PDGFRL: variants seen among roughly 807,000 people sequenced by gnomAD.
The protein encoded by PDGFRL is platelet derived growth factor receptor like.
In PDGFRL, 46 loss-of-function variants were observed where a neutral mutation model predicts 37.2. The ratio of observed to expected loss-of-function variants is 1.24; its 90% CI spans 0.98 to 1.58. The LOEUF (loss-of-function observed/expected upper bound fraction) is 1.58. Ranked by LOEUF, PDGFRL falls within the 40% of genes most tolerant of loss-of-function variation. PDGFRL has a pLI of 0.00. For missense variants in PDGFRL, 692 were observed against 467.6 expected (o/e 1.48, Z -4.43); for synonymous variants, 251 against 184.3 (o/e 1.36, Z -2.93).
At chr8:17,605,412 T>C (rs916883263) in intron 2 of PDGFRL, among the ~76,000 whole-genome samples, 11 of 152,226 alleles carry the variant, frequency 7.2e-5, no homozygotes, top group African/African-American at 2.4e-4. Flanking sequence ...AAACTTTGTG[T>C]AAGAATATTC....
At chr8:17,600,407 C>T (rs1804142774) in intron 2 of PDGFRL, among the ~76,000 whole-genome samples, 1 of 152,204 alleles carries the variant, frequency 6.6e-6, no homozygotes, top group Non-Finnish European at 1.5e-5. Flanking sequence ...ACACTCCTCT[C>T]TACTTGCTGG....
intron 2 of PDGFRL, among the ~76,000 whole-genome samples, chr8:17,617,231 G>C (rs750443528): frequency 1.9e-4 from 29 of 152,322 alleles, no homozygotes; most frequent in South Asian, 4.1e-4. Context: ...TCCTAGTTTA[G>C]AAAGAAAAGG....
In PDGFRL at chr8:17,642,905, C is replaced by T. The variant is rs1470647243; in HGVS notation, c.*104C>T. On this transcript the variant is annotated 3_prime_UTR_variant, in exon 6 of 6. Coordinates refer to ENST00000251630, the MANE Select transcript of PDGFRL (RefSeq NM_001372073.1). ...CTTTGCCAGAGGCTGATGTCAAGCA[C>T]CACACCCCAACCCCAGCGTCTCGTG... 2 of 711,268 alleles carry T rather than the reference C, an allele frequency of 2.8e-6. No homozygotes were observed. The highest frequency in any genetic ancestry group is 4.9e-6 in the Non-Finnish European group (2 of 411,466). 44.1% of individuals were successfully genotyped at this position (711,268 alleles called of 1,614,324 possible).
At chr8:17,625,895 T>C (rs1288944753) in intron 3 of PDGFRL, among the ~76,000 whole-genome samples, 2 of 152,152 alleles carry the variant, frequency 1.3e-5, no homozygotes, top group Non-Finnish European at 2.9e-5. Flanking sequence ...CTCAGGAGGC[T>C]GAGGTGGGAG....
At chr8:17,620,910 C>G in intron 2 of PDGFRL, 141 bp from the exon 3 acceptor site, 1 of 416,876 alleles carries the variant, frequency 2.4e-6, no homozygotes, top group African/African-American at 2.1e-5. Context: ...TTTGACAAGT[C>G]AAACACATTC....
intron 2 of PDGFRL, among the ~76,000 whole-genome samples, chr8:17,616,333 T>A (rs1804527390): frequency 6.6e-6 from 1 of 152,100 alleles, no homozygotes; most frequent in South Asian, 2.1e-4. Flanking sequence ...TAGCTGGGAC[T>A]ACAGGCATGC....
chr8:17,636,821 G>C (rs867527022), intron 5 of PDGFRL, among the ~76,000 whole-genome samples: 1 of 152,052 alleles, frequency 6.6e-6, no homozygotes, highest in Non-Finnish European at 1.5e-5. Context: ...TCCTTGCAGA[G>C]GTCTTTCACC....
chr8:17,597,346 G>T (rs73666193), intron 2 of PDGFRL, among the ~76,000 whole-genome samples: 357 of 152,306 alleles, frequency 2.3e-3, no homozygotes, highest in African/African-American at 8.3e-3. Context: ...AACCAATATT[G>T]TTGGCTTTCT....
rs182425886 is a variant in PDGFRL at position 17,594,524 on chromosome 8, A to G, written c.353+4759A>G. On this transcript the variant is annotated intron_variant, in intron 2 of 5. Coordinates refer to ENST00000251630, the MANE Select transcript of PDGFRL (RefSeq NM_001372073.1). ...CTGTAAGTGCTGGGATTCCAGGTGT[A>G]AGCCACCATGCCTGGCCTATACTAC... Among the ~76,000 whole-genome samples the G allele has an allele frequency of 1.6e-3, 236 of 150,412 alleles. 1 individual carries two copies. The highest frequency in any genetic ancestry group is 1.8e-3 in the Non-Finnish European group (124 of 67,738).
intron 2 of PDGFRL, among the ~76,000 whole-genome samples, chr8:17,610,569 A>G (rs372877631): frequency 2.6e-5 from 4 of 152,258 alleles, no homozygotes; most frequent in African/African-American, 9.6e-5. Context: ...TAACCCATAT[A>G]CATCTGAGTT....
chr8:17,612,463 C>G (rs1045342653), intron 2 of PDGFRL, among the ~76,000 whole-genome samples: 2 of 151,998 alleles, frequency 1.3e-5, no homozygotes, highest in African/African-American at 4.8e-5. Context: ...CTCTGCCTCC[C>G]GGGTTCAAGC....
At chr8:17,619,769 C>G (rs1804595966) in intron 2 of PDGFRL, among the ~76,000 whole-genome samples, 1 of 152,206 alleles carries the variant, frequency 6.6e-6, no homozygotes, top group African/African-American at 2.4e-5. Flanking sequence ...AGGCTGAAAG[C>G]AAAACACCAG....
chr8:17,627,437 A>C (rs969754412), intron 3 of PDGFRL, among the ~76,000 whole-genome samples: 6 of 150,972 alleles, frequency 4.0e-5, no homozygotes, highest in African/African-American at 1.5e-4. Flanking sequence ...GAGCTTTAAC[A>C]CATTTTTTTG....
At chr8:17,611,644 A>C (rs1386540786) in intron 2 of PDGFRL, among the ~76,000 whole-genome samples, 1 of 152,310 alleles carries the variant, frequency 6.6e-6, no homozygotes, top group African/African-American at 2.4e-5. Flanking sequence ...ACACCGGGTT[A>C]CTCAGCTTAA....
chr8:17,610,794 T>C (rs2517206), intron 2 of PDGFRL, among the ~76,000 whole-genome samples: 150,809 of 152,214 alleles, frequency 0.99, 74,722 homozygotes, highest in Middle Eastern at 1. Context: ...GCCTATAGTC[T>C]CAGGTACTCA....
intron 1 of PDGFRL, among the ~76,000 whole-genome samples, chr8:17,584,890 C>T (rs527791061): frequency 1.3e-5 from 2 of 152,146 alleles, no homozygotes; most frequent in South Asian, 4.2e-4. Context: ...AAAAGAATGG[C>T]TTCTTCATAG....
At chr8:17,640,095 A>G (rs532179619) in intron 5 of PDGFRL, among the ~76,000 whole-genome samples, 2 of 152,238 alleles carry the variant, frequency 1.3e-5, no homozygotes, top group South Asian at 2.1e-4. Context: ...TGTATTTTGC[A>G]TTTCTCTAAG....
intron 3 of PDGFRL, among the ~76,000 whole-genome samples, chr8:17,623,645 C>T (rs898130080): frequency 7.2e-5 from 11 of 152,064 alleles, no homozygotes; most frequent in Admixed American, 4.6e-4. Context: ...GAGGCCACGG[C>T]GGGCGGATCA....
intron 2 of PDGFRL, among the ~76,000 whole-genome samples, chr8:17,620,660 C>G (rs2129763261): frequency 6.6e-6 from 1 of 152,154 alleles, no homozygotes; most frequent in African/African-American, 2.4e-5. Context: ...TATTTGATCA[C>G]TGCATAAAAT....
Sources: gnomAD v4.1 joint callset for allele counts (sites outside exome capture counted in the v4.1 genomes callset) on GRCh38, gnomAD v4.1.1 for gene constraint, MANE v1.5 for transcripts, NCBI Gene and HGNC (gene_info 2026-07-23, HGNC 2026-07-21) for gene names.